The following HOMER1 variants were observed in gnomAD, a reference collection of about 807,000 sequenced individuals.
HOMER1 encodes homer protein homolog 1.
In HOMER1, 3 loss-of-function variants were observed where a neutral mutation model predicts 48.9. The observed-to-expected ratio is 0.06, with a 90% CI of 0.03 to 0.16. HOMER1 has a LOEUF of 0.16. HOMER1 is among the 10% of genes least tolerant of loss of function. The pLI is 1.00. For missense variants in HOMER1, 247 were observed against 411.4 expected, an observed-to-expected ratio of 0.60 and a Z score of 3.46; for synonymous variants, 134 against 146.4, an observed-to-expected ratio of 0.92 and a Z score of 0.61.
intron 5 of HOMER1, among the ~76,000 whole-genome samples, chr5:79,427,229 C>A (rs985396778): frequency 1.4e-4 from 22 of 152,060 alleles, no homozygotes; most frequent in African/African-American, 5.3e-4. Flanking sequence ...AGGAAAAACA[C>A]AAGCTAAGTC....
Position 79,434,425 on chromosome 5 carries a change from A to ACCTT in HOMER1, c.527+4581_527+4584dup, listed in dbSNP as rs1750515392. On this transcript the variant is annotated intron_variant, in intron 5 of 8. Transcript: ENST00000334082. ...AAGAATTCCCTGGAAAGAGAACAAA[A>ACCTT]CCTTCCCTCTTACGTATATGCCAGC... Among the ~76,000 whole-genome samples the ACCTT allele has an allele frequency of 2.0e-5, 3 of 152,060 alleles. No homozygotes were observed. The East Asian group carries it at 5.8e-4, about 29-fold the overall frequency.
At chr5:79,463,923 T>G (rs1377669629) in intron 1 of HOMER1, among the ~76,000 whole-genome samples, 1 of 152,164 alleles carries the variant, frequency 6.6e-6, no homozygotes, top group Non-Finnish European at 1.5e-5. Context: ...AAAAAAATAG[T>G]AATATAAGAG....
intron 1 of HOMER1, among the ~76,000 whole-genome samples, chr5:79,482,209 C>T (rs1171375054): frequency 6.6e-6 from 1 of 151,932 alleles, no homozygotes; most frequent in African/African-American, 2.4e-5. Flanking sequence ...ACAAGAGTGA[C>T]ACCCTGTCTC....
intron 5 of HOMER1, among the ~76,000 whole-genome samples, chr5:79,435,445 T>A (rs1750548524): frequency 1.3e-5 from 2 of 152,202 alleles, no homozygotes; most frequent in African/African-American, 4.8e-5. Context: ...TGCTCCTTAT[T>A]TAGCAGTAAA....
intron 1 of HOMER1, among the ~76,000 whole-genome samples, chr5:79,488,844 T>C (rs546067110): frequency 2.0e-5 from 3 of 152,314 alleles, no homozygotes; most frequent in East Asian, 1.9e-4. Context: ...TGATGTTAAG[T>C]GACCTATTCA....
In HOMER1 at chr5:79,456,854, T is replaced by C. The variant is rs1462188050; in HGVS notation, c.162+8A>G. 1 of 1,610,332 alleles carries C rather than the reference T, an allele frequency of 6.2e-7. No homozygotes were observed. The highest frequency in any genetic ancestry group is 1.1e-5 in the South Asian group (1 of 90,480). ...CCAGCCAAATCATTCAAAGTAAACG[T>C]AGCTTACCTTTGAGCCATCTAAACT... is the stretch of plus-strand genomic sequence containing the variant. On this transcript the variant is annotated splice_region_variant and intron_variant, in intron 2 of 8. Coordinates refer to ENST00000334082, the MANE Select transcript of HOMER1 (RefSeq NM_004272.5).
chr5:79,453,084 T>C (rs1228787514), intron 2 of HOMER1, among the ~76,000 whole-genome samples: 1 of 152,218 alleles, frequency 6.6e-6, no homozygotes, highest in Non-Finnish European at 1.5e-5. Flanking sequence ...AATTACAGTC[T>C]AGAATAAAAG....
intron 8 of HOMER1, among the ~76,000 whole-genome samples, chr5:79,395,196 T>C (rs1749349632): frequency 6.6e-6 from 1 of 152,210 alleles, no homozygotes. Flanking sequence ...GTAAGTTAAG[T>C]GCTTAACATA....
chr5:79,455,603 T>C (rs530564564), intron 2 of HOMER1, among the ~76,000 whole-genome samples: 185 of 152,320 alleles, frequency 1.2e-3, no homozygotes, highest in Non-Finnish European at 2.3e-3. Context: ...TATTTCTTCA[T>C]AGAAGTATGA....
chr5:79,461,080 T>C (rs2112308874), intron 1 of HOMER1, among the ~76,000 whole-genome samples: 1 of 152,312 alleles, frequency 6.6e-6, no homozygotes, highest in South Asian at 2.1e-4. Context: ...AAAACCAGGC[T>C]GGCATGCAGA....
At chr5:79,488,052 T>C (rs1752163972) in intron 1 of HOMER1, among the ~76,000 whole-genome samples, 1 of 152,180 alleles carries the variant, frequency 6.6e-6, no homozygotes, top group African/African-American at 2.4e-5. Flanking sequence ...TAATACAAAG[T>C]TTAAATTTAA....
At chr5:79,475,287 C>CGTATCCTGTCTGGCTCTAGAGCCG (rs1417608890) in intron 1 of HOMER1, among the ~76,000 whole-genome samples, 1 of 152,024 alleles carries the variant, frequency 6.6e-6, no homozygotes, top group Non-Finnish European at 1.5e-5. Context: ...CTCTAGAGCC[C>CGTATCCTGTCTGGCTCTAGAGCCG]GTATCTTTAT....
In HOMER1 at chr5:79,500,867, C is replaced by T. The variant is rs574004165; in HGVS notation, c.5+11903G>A. Among the ~76,000 whole-genome samples, 50 of 151,086 alleles carry T rather than the reference C, an allele frequency of 3.3e-4. 1 individual carries two copies. The highest frequency in any genetic ancestry group is 3.5e-3 in the Middle Eastern group (1 of 288). On this transcript the variant is annotated intron_variant, in intron 1 of 8. Coordinates refer to ENST00000334082, the MANE Select transcript of HOMER1 (RefSeq NM_004272.5). ...CTCAAACTCCTGGCCTCAAGTGATC[C>T]GCCCGCCTCAGCCTCCCAAAGTGCT...
chr5:79,509,316 G>T (rs1752869224), intron 1 of HOMER1, among the ~76,000 whole-genome samples: 1 of 152,228 alleles, frequency 6.6e-6, no homozygotes, highest in Non-Finnish European at 1.5e-5. Flanking sequence ...CTTAATAAGG[G>T]AAGGGAGGGA....
intron 2 of HOMER1, among the ~76,000 whole-genome samples, chr5:79,453,779 C>T (rs544576836): frequency 1.2e-4 from 19 of 152,104 alleles, no homozygotes; most frequent in African/African-American, 4.6e-4. Context: ...TAAGTGAGAA[C>T]GAGTGCACAT....
chr5:79,438,893 AAAGTC>A, intron 5 of HOMER1, 112 bp downstream of exon 5: 3 of 781,638 alleles, frequency 3.8e-6, no homozygotes, highest in South Asian at 2.0e-5. Context: ...AAAAAAAAAA[AAAGTC>A]AAAGTCAACC....
intron 5 of HOMER1, among the ~76,000 whole-genome samples, chr5:79,429,931 G>C (rs1270878352): frequency 6.6e-5 from 10 of 152,134 alleles, no homozygotes; most frequent in African/African-American, 2.4e-4. Context: ...GCTGAGGCAG[G>C]GGAATGGCAT....
At chr5:79,377,813 A>G (rs769273713) in intron 8 of HOMER1, among the ~76,000 whole-genome samples, 17 of 152,226 alleles carry the variant, frequency 1.1e-4, no homozygotes, top group Non-Finnish European at 2.5e-4. Context: ...AGGAAATAAA[A>G]AATAGTTCTG....
intron 5 of HOMER1, among the ~76,000 whole-genome samples, chr5:79,430,075 T>C (rs1029259798): frequency 5.7e-5 from 8 of 139,782 alleles, no homozygotes; most frequent in Non-Finnish European, 1.2e-4. Context: ...GAAAAAAAAA[T>C]AGTGAAAACA....
Sources: allele counts gnomAD v4.1 joint callset (sites outside exome capture counted in the v4.1 genomes callset), GRCh38; gene constraint gnomAD v4.1.1; transcripts MANE v1.5; gene names NCBI Gene and HGNC (gene_info 2026-07-23, HGNC 2026-07-21).